Variants in ALK observed in about 807,000 individuals in gnomAD.
ALK encodes the protein ALK tyrosine kinase receptor.
A neutral mutation model predicts 163.1 loss-of-function variants in ALK; 74 were observed. That is an observed-to-expected ratio of 0.45 (90% CI 0.38 to 0.55). The LOEUF is 0.55. Among genes scored for constraint, ALK ranks in the 20% least tolerant of loss-of-function variants. ALK has a pLI of 0.00. For synonymous variants in ALK, 960 were observed against 843.2 expected, an observed-to-expected ratio of 1.14 and a Z score of -2.40; for missense variants, 2,063 against 2,105.3, an observed-to-expected ratio of 0.98 and a Z score of 0.39.
intron 1 of ALK, among the ~76,000 whole-genome samples, chr2:29,869,011 C>T (rs1191001274): frequency 6.6e-6 from 1 of 152,210 alleles, no homozygotes; most frequent in Non-Finnish European, 1.5e-5. Flanking sequence ...CAGCTGATAG[C>T]TACTGCTGAC....
rs1283884378 is a variant in ALK, at chr2:29,246,529, T to G, written c.2204+4576A>C. 6.6e-6 allele frequency among the ~76,000 whole-genome samples: 1 copy of G among 152,212 alleles called. No homozygotes were observed. The highest frequency in any genetic ancestry group is 2.4e-5 in the African/African-American group (1 of 41,444). ...TACTCAGCACCACGGCCCAGAGGCC[T>G]CCTGATCAGGGCCCCTCTCGCTGCT... On this transcript the variant is annotated intron_variant, in intron 12 of 28. Transcript: ENST00000389048. This position sits in a 1 kb window ranked among gnomAD's most constrained non-coding sequence, Gnocchi z 4.3.
chr2:29,863,595 T>A (rs958110435), intron 1 of ALK, among the ~76,000 whole-genome samples: 2 of 152,146 alleles, frequency 1.3e-5, no homozygotes, highest in African/African-American at 4.8e-5. Flanking sequence ...CCTGTTTGAA[T>A]GGCTATTATC....
chr2:29,253,085 T>C (rs1270312612), intron 11 of ALK, among the ~76,000 whole-genome samples: 3 of 152,148 alleles, frequency 2.0e-5, no homozygotes, highest in Admixed American at 6.5e-5. Context: ...CTTGAAGTCC[T>C]GAGCTCAAGC....
At chr2:29,595,319 A>ATTT (rs10641464) in intron 3 of ALK, among the ~76,000 whole-genome samples, 3,257 of 123,928 alleles carry the variant, frequency 0.026, 86 homozygotes, top group African/African-American at 0.064. Context: ...GTCTTACTGG[A>ATTT]TTTTTTTTTT....
At chr2:29,252,389 C>A (rs1664839085) in intron 11 of ALK, among the ~76,000 whole-genome samples, 1 of 152,168 alleles carries the variant, frequency 6.6e-6, no homozygotes, top group African/African-American at 2.4e-5. Flanking sequence ...AAGTTCTAGT[C>A]TAAGGAAAAT....
In ALK at chr2:29,233,999, T is replaced by TG. The variant is rs147039589; in HGVS notation, c.2356-304_2356-303insC. On this transcript the variant is annotated intron_variant, in intron 13 of 28. Transcript: ENST00000389048. ...GAGCCTTGAAGGATAGGGAGTTTTTTTTTGTTTGTTTTTGTTTTTTTCACA... is the reference window on the plus strand; with the variant it reads ...GAGCCTTGAAGGATAGGGAGTTTTTTGTTTGTTTGTTTTTGTTTTTTTCACA... 0.062 allele frequency among the ~76,000 whole-genome samples: 9,475 copies of TG among 152,104 alleles called. 347 individuals are homozygous for TG. The highest frequency in any genetic ancestry group is 0.088 in the Non-Finnish European group (6,000 of 67,990).
intron 5 of ALK, among the ~76,000 whole-genome samples, chr2:29,332,500 G>T (rs2148262662): frequency 6.6e-6 from 1 of 152,092 alleles, no homozygotes; most frequent in South Asian, 2.1e-4. Context: ...ATTGTCTGAA[G>T]TTCAAAAGCA....
chr2:29,380,039 A>C lies in ALK; in HGVS notation c.1282+3693T>G, dbSNP rs1668856952. Among the ~76,000 whole-genome samples the C allele has an allele frequency of 1.3e-5, 2 of 152,076 alleles. 1 individual carries two copies. Among genetic ancestry groups the C allele is most frequent in the South Asian group, 4.1e-4 (2 of 4,824 alleles). ...ACTTGCAATCATGGTAGAAGGCAAA[A>C]GGGAAGCAGGCACATCCTACACGGC... On this transcript the variant is annotated intron_variant, in intron 5 of 28. Transcript: ENST00000389048.
rs1365001950 is a variant in ALK at position 29,251,046 on chromosome 2, A to C, written c.2204+59T>G. ...CCAGGAACATGCACCCATAGGCAAG[A>C]CTCCAGGCTTCTTCGGAAGGGGTGG... On this transcript the variant is annotated intron_variant, in intron 12 of 28. Coordinates refer to ENST00000389048, the MANE Select transcript of ALK (RefSeq NM_004304.5). The C allele has an allele frequency of 2.5e-6, 4 of 1,572,978 alleles. No individual in the cohort carries two copies. In the Admixed American group the frequency reaches 5.2e-5, roughly 21 times the overall value.
Position 29,232,376 on chromosome 2 carries a change from C to T in ALK, c.2560G>A (p.Asp854Asn), listed in dbSNP as rs189078025. 9.9e-6 allele frequency: 16 copies of T among 1,614,270 alleles called. No homozygotes were observed. In the African/African-American group the frequency reaches 1.6e-4, roughly 16 times the overall value. The stretch of plus-strand genomic sequence containing the variant: ...TCCAGTCTCTCTGGGTGGAACGTGT[C>T]TGTCTTGGCCCCGTAGGCCCTGCCA... ...GGGRAYGAKT[D>N]TFHPERLENN... is the part of the protein sequence containing the mutation. Residue 854 changes from aspartate (D) to asparagine (N), a missense_variant, in exon 15 of 29, where the codon GAC becomes AAC. Coordinates refer to ENST00000389048, the MANE Select transcript of ALK (RefSeq NM_004304.5).
chr2:29,261,403 A>G lies in ALK; in HGVS notation c.2042-10136T>C, dbSNP rs114176246. On this transcript the variant is annotated intron_variant, in intron 11 of 28. Coordinates refer to ENST00000389048, the MANE Select transcript of ALK (RefSeq NM_004304.5). The stretch of plus-strand genomic sequence containing the variant: ...TTGGAAAGATTAAAAAAAAAAAACT[A>G]TGCTGTTACCACCATCACTGCCCTC... Among the ~76,000 whole-genome samples, 1,253 of 151,982 alleles carry G rather than the reference A, an allele frequency of 8.2e-3. 25 individuals are homozygous for G. The highest frequency in any genetic ancestry group is 0.029 in the African/African-American group (1,190 of 41,440).
intron 9 of ALK, among the ~76,000 whole-genome samples, chr2:29,285,648 C>T (rs867001800): frequency 2.6e-5 from 4 of 151,898 alleles, no homozygotes; most frequent in East Asian, 1.9e-4. Flanking sequence ...CTGCAATCTC[C>T]GCCTCCCAGG....
chr2:29,645,241 G>C (rs1043320284), intron 3 of ALK, among the ~76,000 whole-genome samples: 12 of 152,124 alleles, frequency 7.9e-5, no homozygotes, highest in African/African-American at 2.9e-4. Flanking sequence ...TCTGTTTAAT[G>C]AGAGTCTGGA....
intron 9 of ALK, 26 bp downstream of exon 9, chr2:29,296,862 T>C (rs1466910035): frequency 6.2e-7 from 1 of 1,613,430 alleles, no homozygotes; most frequent in Non-Finnish European, 8.5e-7. Flanking sequence ...AGGAGAAGGG[T>C]ATTGGGGGAG....
Position 29,717,589 on chromosome 2 carries a change from C to T in ALK, c.776G>A (p.Arg259His), listed in dbSNP as rs138686378. 400 of 1,613,604 alleles carry T rather than the reference C, an allele frequency of 2.5e-4. No homozygotes were observed. In the African/African-American group the frequency reaches 4.9e-3, roughly 20 times the overall value. Reference sequence around the variant, plus strand: ...AAACATATACTTACCATATCGGCTGCGATGAGACAGGAAAGGGAAGGAGTC... The same window carrying T: ...AAACATATACTTACCATATCGGCTGTGATGAGACAGGAAAGGGAAGGAGTC... ...MKDSFPFLSH[R>H]SRYGLECSFD... The change falls in exon 2 of 29, where the codon CGC (arginine) becomes CAC (histidine). Residue 259 changes from arginine (R) to histidine (H), a missense_variant. Coordinates refer to ENST00000389048, the MANE Select transcript of ALK (RefSeq NM_004304.5).
chr2:29,326,864 C>T (rs1178330896), intron 6 of ALK, among the ~76,000 whole-genome samples: 1 of 152,206 alleles, frequency 6.6e-6, no homozygotes, highest in South Asian at 2.1e-4. Flanking sequence ...AACTTCCTTG[C>T]AGGCCACTGG....
chr2:29,913,684 G>A (rs1667763717), intron 1 of ALK, among the ~76,000 whole-genome samples: 2 of 152,184 alleles, frequency 1.3e-5, no homozygotes, highest in South Asian at 4.1e-4. Flanking sequence ...TGTACAAAAT[G>A]TTCTGTGGTT....
rs1379391121 is a variant in ALK at position 29,698,187 on chromosome 2, G to A, written c.788-3173C>T. ...TGATAAGCCACTTGCTCTACAGTTGGTGTCCAGGAACCACAGGCTGCCTTA... is the reference window on the plus strand; with the variant it reads ...TGATAAGCCACTTGCTCTACAGTTGATGTCCAGGAACCACAGGCTGCCTTA... On this transcript the variant is annotated intron_variant, in intron 2 of 28. Transcript: ENST00000389048. Among the ~76,000 whole-genome samples the A allele has an allele frequency of 3.3e-5, 5 of 152,172 alleles. No homozygotes were observed. In the East Asian group the frequency reaches 9.6e-4, roughly 29 times the overall value.
intron 1 of ALK, among the ~76,000 whole-genome samples, chr2:29,859,198 G>A (rs1666219531): frequency 6.6e-6 from 1 of 152,196 alleles, no homozygotes; most frequent in African/African-American, 2.4e-5. Context: ...GAAGGGTTAT[G>A]TACTGGGGAT....
Sources: gnomAD v4.1 joint callset for allele counts (sites outside exome capture counted in the v4.1 genomes callset) on GRCh38, gnomAD v4.1.1 for gene constraint, Gnocchi (gnomAD v3.1) non-coding constraint, MANE v1.5 for transcripts, NCBI Gene and HGNC (gene_info 2026-07-23, HGNC 2026-07-21) for gene names.